The following STAU2 variants were observed in gnomAD, a reference collection of about 807,000 sequenced individuals.
STAU2 encodes double-stranded RNA-binding protein Staufen homolog 2.
Under a neutral mutation model 65.9 loss-of-function variants are expected in STAU2, and 20 were observed. That is an observed-to-expected ratio of 0.30 (90% CI 0.21 to 0.44). The LOEUF is 0.44. Among genes scored for constraint, STAU2 ranks in the 20% least tolerant of loss-of-function variants. STAU2 has a pLI of 1.00. For synonymous variants in STAU2, 232 were observed against 233.9 expected (o/e 0.99, Z 0.07); for missense variants, 558 against 683.9 (o/e 0.82, Z 2.05).
chr8:73,695,580 G>A (rs993882399), intron 4 of STAU2, among the ~76,000 whole-genome samples: 4 of 152,130 alleles, frequency 2.6e-5, no homozygotes, highest in African/African-American at 9.7e-5. Flanking sequence ...AAAGCAGACA[G>A]AAAAGTAAAG....
rs542706294 is a variant in STAU2, at chr8:73,504,117, C to T, written c.1530+47895G>A. Among the ~76,000 whole-genome samples the T allele has an allele frequency of 9.9e-5, 15 of 152,196 alleles. No individual in the cohort carries two copies. The South Asian group carries it at 2.9e-3, about 29-fold the overall frequency. On this transcript the variant is annotated intron_variant, in intron 13 of 14. Transcript: ENST00000524300. The stretch of plus-strand genomic sequence containing the variant: ...GCTATTTTGTCTCAGGTCATTTTTA[C>T]GCATATCCCAAGACCCATATAGTCA...
At chr8:73,584,420 G>A (rs192071330) in intron 11 of STAU2, among the ~76,000 whole-genome samples, 15 of 151,250 alleles carry the variant, frequency 9.9e-5, no homozygotes, top group African/African-American at 3.7e-4. Flanking sequence ...AATGCGCTAA[G>A]TGTTTTGCAT....
At chr8:73,742,827 C>A in intron 1 of STAU2, among the ~76,000 whole-genome samples, 1 of 152,034 alleles carries the variant, frequency 6.6e-6, no homozygotes, top group East Asian at 1.9e-4. Context: ...TTACATTTTG[C>A]CCATCTGAGA....
At chr8:73,483,356 A>C (rs1042007254) in intron 13 of STAU2, among the ~76,000 whole-genome samples, 12 of 152,114 alleles carry the variant, frequency 7.9e-5, no homozygotes, top group African/African-American at 2.9e-4. Flanking sequence ...GGTTTGTTAT[A>C]ATTTTAAATT....
At chr8:73,710,035 AC>A (rs1273063169) in intron 3 of STAU2, among the ~76,000 whole-genome samples, 2 of 152,078 alleles carry the variant, frequency 1.3e-5, no homozygotes. Context: ...CCACTCCTCT[AC>A]TGAGACACTG....
chr8:73,654,683 C>CTTTT (rs764223379), intron 6 of STAU2, among the ~76,000 whole-genome samples: 52 of 62,952 alleles, frequency 8.3e-4, no homozygotes, highest in Non-Finnish European at 1.0e-3. Context: ...ATTATCAAAC[C>CTTTT]TTTTTTTTTT....
At chr8:73,622,426 G>C (rs1813335745) in intron 6 of STAU2, among the ~76,000 whole-genome samples, 1 of 151,998 alleles carries the variant, frequency 6.6e-6, no homozygotes, top group Non-Finnish European at 1.5e-5. Context: ...CGCCTGGCCA[G>C]GTCTTTCATA....
At chr8:73,725,571 C>T (rs187594479) in intron 3 of STAU2, among the ~76,000 whole-genome samples, 6 of 152,174 alleles carry the variant, frequency 3.9e-5, no homozygotes, top group Admixed American at 1.3e-4. Context: ...CCAAGGTGGG[C>T]GGATCACTGG....
chr8:73,686,903 TTTC>T (rs1818876310), intron 5 of STAU2, among the ~76,000 whole-genome samples: 1 of 150,062 alleles, frequency 6.7e-6, no homozygotes, highest in African/African-American at 2.4e-5. Flanking sequence ...CTTTTTTTTT[TTTC>T]TTTTGAGACA....
intron 13 of STAU2, among the ~76,000 whole-genome samples, chr8:73,528,971 G>T (rs564300909): frequency 6.6e-6 from 1 of 152,050 alleles, no homozygotes; most frequent in Non-Finnish European, 1.5e-5. Flanking sequence ...AAACCAGTAG[G>T]GTTGTTAAGA....
intron 12 of STAU2, among the ~76,000 whole-genome samples, chr8:73,560,650 C>A (rs965572340): frequency 6.6e-6 from 1 of 152,150 alleles, no homozygotes; most frequent in Non-Finnish European, 1.5e-5. Flanking sequence ...TGCACTTAGT[C>A]CAGTCTTGCC....
chr8:73,605,499 G>A (rs1009987209), intron 9 of STAU2, among the ~76,000 whole-genome samples: 1 of 151,768 alleles, frequency 6.6e-6, no homozygotes, highest in Non-Finnish European at 1.5e-5. Context: ...CATAGAGACA[G>A]GGTTTCACCA....
intron 3 of STAU2, among the ~76,000 whole-genome samples, chr8:73,736,843 A>G (rs752692638): frequency 1.8e-4 from 28 of 152,164 alleles, no homozygotes; most frequent in Non-Finnish European, 3.4e-4. Context: ...GAGCAGGACT[A>G]TATGTCGGAA....
intron 6 of STAU2, among the ~76,000 whole-genome samples, chr8:73,650,944 C>T (rs1040449702): frequency 1.3e-5 from 2 of 152,182 alleles, no homozygotes; most frequent in East Asian, 3.8e-4. Flanking sequence ...AACGTCAAGT[C>T]GATAAAGGAA....
chr8:73,581,292 C>T (rs1238516704), intron 12 of STAU2, among the ~76,000 whole-genome samples: 1 of 151,974 alleles, frequency 6.6e-6, no homozygotes, highest in Non-Finnish European at 1.5e-5. Flanking sequence ...AGTTTATATT[C>T]TTTGAAAAAA....
chr8:73,423,007 C>T (rs1029325031), intron 13 of STAU2, among the ~76,000 whole-genome samples: 19 of 152,208 alleles, frequency 1.2e-4, no homozygotes, highest in Non-Finnish European at 2.5e-4. Context: ...GGTGACATTG[C>T]ATAATTTCTC....
At position 73,582,740 on chromosome 8, in the gene STAU2, A is replaced by C. The variant is rs756509453; in HGVS notation, c.1222+30T>G. Reference sequence around the variant, plus strand: ...GTCACTGAGCCACTGATGAACACCAAGTGCAGACAACATAAAAATGAGAAC... The same window carrying C: ...GTCACTGAGCCACTGATGAACACCACGTGCAGACAACATAAAAATGAGAAC... On this transcript the variant is annotated intron_variant, in intron 12 of 14. Coordinates refer to ENST00000524300, the MANE Select transcript of STAU2 (RefSeq NM_001164380.2). 2.5e-6 allele frequency: 4 copies of C among 1,608,742 alleles called. No homozygotes were observed. The South Asian group carries it at 4.4e-5, about 18-fold the overall frequency.
At chr8:73,556,757 T>C (rs1807806211) in intron 12 of STAU2, among the ~76,000 whole-genome samples, 1 of 152,046 alleles carries the variant, frequency 6.6e-6, no homozygotes, top group Non-Finnish European at 1.5e-5. Context: ...AAAAAAATCT[T>C]TGCCAGTTAT....
intron 13 of STAU2, among the ~76,000 whole-genome samples, chr8:73,530,024 C>A (rs1295797563): frequency 6.6e-6 from 1 of 152,014 alleles, no homozygotes; most frequent in Non-Finnish European, 1.5e-5. Context: ...GCTTTTTTAC[C>A]CATTTAGCCA....
Sources: allele counts gnomAD v4.1 joint callset (sites outside exome capture counted in the v4.1 genomes callset), GRCh38; gene constraint gnomAD v4.1.1; transcripts MANE v1.5; gene names NCBI Gene and HGNC (gene_info 2026-07-23, HGNC 2026-07-21).